ETFB: variants seen among roughly 807,000 people sequenced by gnomAD.
ETFB encodes the protein electron transfer flavoprotein subunit beta.
In ETFB, 20 loss-of-function variants were observed where a neutral mutation model predicts 25.6. The observed-to-expected ratio is 0.78, with a 90% CI of 0.55 to 1.14. ETFB has a LOEUF of 1.14. Ranked by LOEUF, ETFB falls within the 50% of genes most tolerant of loss-of-function variation. The probability of loss-of-function intolerance (pLI) is 0.00; values close to 1 mark genes in which losing one functional copy is unlikely to be tolerated. For missense variants in ETFB, 286 were observed against 342.6 expected, an observed-to-expected ratio of 0.83 and a Z score of 1.30; for synonymous variants, 142 against 146.7, an observed-to-expected ratio of 0.97 and a Z score of 0.23.
intron 1 of ETFB, among the ~76,000 whole-genome samples, chr19:51,364,187 T>C (rs764177488): frequency 6.7e-5 from 10 of 149,720 alleles, no homozygotes; most frequent in Non-Finnish European, 1.5e-4. Flanking sequence ...CAAGAGACAA[T>C]AGGGCAAGAA....
chr19:51,352,576 G>A (rs914985361), intron 3 of ETFB, among the ~76,000 whole-genome samples: 2 of 152,048 alleles, frequency 1.3e-5, no homozygotes, highest in East Asian at 1.9e-4. Flanking sequence ...CCATCACCTC[G>A]GCCTCCCAGC....
chr19:51,352,918 G>A (rs1350267640), intron 3 of ETFB, among the ~76,000 whole-genome samples: 1 of 152,130 alleles, frequency 6.6e-6, no homozygotes, highest in Admixed American at 6.5e-5. Flanking sequence ...GTAAACCACC[G>A]TGCCTGGCCC....
At chr19:51,354,362 G>C in intron 1 of ETFB, 54 bp from the exon 2 acceptor site, 1 of 1,614,154 alleles carries the variant, frequency 6.2e-7, no homozygotes, top group Non-Finnish European at 8.5e-7. Flanking sequence ...CAAGAAGGTG[G>C]GGGCCTCAGC....
chr19:51,358,850 A>ACC (rs1555755824), intron 1 of ETFB, among the ~76,000 whole-genome samples: 20 of 147,450 alleles, frequency 1.4e-4, no homozygotes, highest in African/African-American at 1.8e-4. Flanking sequence ...AAAAAAAAAA[A>ACC]CAGCCAGGTA....
At chr19:51,347,685 C>T (rs1599839075) in intron 4 of ETFB, 1 of 152,960 alleles carries the variant, frequency 6.5e-6, no homozygotes, top group South Asian at 2.1e-4. Flanking sequence ...CTTTGTCTAA[C>T]GACCTTTGTC....
At chr19:51,356,843 G>C (rs1254228481) in intron 1 of ETFB, 1 of 152,192 alleles carries the variant, frequency 6.6e-6, no homozygotes, top group African/African-American at 2.4e-5. Context: ...GCCTCCTCCA[G>C]CTTCTGCTGA....
At chr19:51,364,498 G>C (rs935726120) in intron 1 of ETFB, among the ~76,000 whole-genome samples, 8 of 152,210 alleles carry the variant, frequency 5.3e-5, no homozygotes, top group African/African-American at 1.9e-4. Context: ...TGTGCTGAGT[G>C]ATGCTGGGAC....
intron 3 of ETFB, among the ~76,000 whole-genome samples, chr19:51,352,115 G>A (rs1985946072): frequency 6.6e-6 from 1 of 152,030 alleles, no homozygotes; most frequent in East Asian, 1.9e-4. Context: ...TCAGTGGGGA[G>A]CACCAGTGTG....
chr19:51,363,696 G>A (rs568290185), intron 1 of ETFB, among the ~76,000 whole-genome samples: 37 of 152,046 alleles, frequency 2.4e-4, no homozygotes, highest in African/African-American at 4.8e-5. Flanking sequence ...TGATCCACTC[G>A]CCTCAGCCTC....
intron 1 of ETFB, 85 bp from the exon 2 acceptor site, chr19:51,354,393 G>A (rs1403023002): frequency 1.9e-6 from 3 of 1,614,110 alleles, no homozygotes; most frequent in Non-Finnish European, 2.5e-6. Context: ...TCCCAGGCTG[G>A]ATGAGGACAA....
At chr19:51,358,504 C>T (rs983851956) in intron 1 of ETFB, among the ~76,000 whole-genome samples, 1 of 151,854 alleles carries the variant, frequency 6.6e-6, no homozygotes, top group Admixed American at 6.6e-5. Context: ...ACAACAACAA[C>T]AAAAACAAAA....
rs763535495 is a variant in ETFB, at chr19:51,354,630, G to A, written c.58-322C>T. ...CAGTATTTATGGTAACCCACAGTGA[G>A]AGGTACATTTTACTGTATCTCCAAG... On this transcript the variant is annotated intron_variant, in intron 1 of 5. Coordinates refer to ENST00000309244, the MANE Select transcript of ETFB (RefSeq NM_001985.3). 6 of 1,596,252 alleles carry A rather than the reference G, an allele frequency of 3.8e-6. No individual in the cohort carries two copies. The African/African-American group carries it at 9.2e-5, about 24-fold the overall frequency.
chr19:51,364,659 G>A (rs746345239), intron 1 of ETFB, among the ~76,000 whole-genome samples: 6 of 152,242 alleles, frequency 3.9e-5, no homozygotes, highest in Non-Finnish European at 8.8e-5. Context: ...AGTCAGAGCA[G>A]GGAGGAAACC....
chr19:51,347,090 T>A lies in ETFB; in HGVS notation c.439-32A>T, dbSNP rs543044180. The A allele has an allele frequency of 1.9e-6, 3 of 1,612,610 alleles. No individual in the cohort carries two copies. The South Asian group carries it at 3.3e-5, about 18-fold the overall frequency. On this transcript the variant is annotated intron_variant, in intron 4 of 5. Coordinates refer to ENST00000309244, the MANE Select transcript of ETFB (RefSeq NM_001985.3). Reference sequence around the variant, plus strand: ...AGGGACAGTGTAGGAGGAGAGTGGGTGAGGCTAATTCAGGTCCGACCCGAG... The same window carrying A: ...AGGGACAGTGTAGGAGGAGAGTGGGAGAGGCTAATTCAGGTCCGACCCGAG...
intron 4 of ETFB, 59 bp downstream of exon 4, chr19:51,350,270 A>C: frequency 1.3e-6 from 2 of 1,570,694 alleles, no homozygotes; most frequent in Non-Finnish European, 1.7e-6. Context: ...TTGAGGCAGA[A>C]ATGAAGTTTG....
Position 51,353,285 on chromosome 19 carries a change from C to A in ETFB, c.222G>T (p.Thr74=). The A allele has an allele frequency of 6.2e-7, 1 of 1,613,984 alleles. No homozygotes were observed. The highest frequency in any genetic ancestry group is 8.5e-7 in the Non-Finnish European group (1 of 1,179,988). The change falls in exon 3 of 6, where the codon ACG becomes ACT. Residue 74 remains threonine, a synonymous_variant. Transcript: ENST00000309244. ...CACCCATGGCCAGGGCGGTACGAATCGTCTCCTGCCAAGGACAGAGGGGCT... is the reference window on the plus strand; with the variant it reads ...CACCCATGGCCAGGGCGGTACGAATAGTCTCCTGCCAAGGACAGAGGGGCT... ...VSCGPAQCQE[T]IRTALAMGAD...
Position 51,353,275 on chromosome 19 carries a change from C to A in ETFB, c.232G>T (p.Ala78Ser), listed in dbSNP as rs548046212. 1 of 1,613,886 alleles carries A rather than the reference C, an allele frequency of 6.2e-7. No homozygotes were observed. Among genetic ancestry groups the A allele is most frequent in the Non-Finnish European group, 8.5e-7 (1 of 1,180,000 alleles). Residue 78 changes from alanine to serine, a missense_variant, in exon 3 of 6, where the codon GCC becomes TCC. Ala to Ser is a moderately conservative substitution (Grantham distance 99, BLOSUM62 1). Transcript: ENST00000309244. ...CCTCGGTCTGCACCCATGGCCAGGG[C>A]GGTACGAATCGTCTCCTGCCAAGGA... The part of the protein sequence containing the change: ...PAQCQETIRT[A>S]LAMGADRGIH...
chr19:51,361,578 T>C (rs1032981392), intron 1 of ETFB: 1 of 151,156 alleles, frequency 6.6e-6, no homozygotes, highest in African/African-American at 2.4e-5. Context: ...GTGTGGCTGG[T>C]CGGGGTTGGG....
chr19:51,351,391 T>G (rs1985930459), intron 3 of ETFB, among the ~76,000 whole-genome samples: 1 of 152,204 alleles, frequency 6.6e-6, no homozygotes, highest in African/African-American at 2.4e-5. Flanking sequence ...AGCCCCTGAT[T>G]TACGTGAGAT....
Sources: gnomAD v4.1 joint callset for allele counts (sites outside exome capture counted in the v4.1 genomes callset) on GRCh38, gnomAD v4.1.1 for gene constraint, MANE v1.5 for transcripts, NCBI Gene and HGNC (gene_info 2026-07-23, HGNC 2026-07-21) for gene names.